Variants in SPOCK3 observed in about 807,000 individuals in gnomAD.
The protein encoded by SPOCK3 is testican-3.
SPOCK3 carries 30 observed loss-of-function variants against 56.6 expected under a neutral mutation model. The ratio of observed to expected loss-of-function variants is 0.53; its 90% CI spans 0.40 to 0.72. The LOEUF (loss-of-function observed/expected upper bound fraction) is 0.72, where lower values mean the gene tolerates loss of function less well. Among genes scored for constraint, SPOCK3 ranks in the 30% least tolerant of loss-of-function variants. SPOCK3 has a pLI of 0.00. For synonymous variants in SPOCK3, 196 were observed against 183.3 expected (o/e 1.07, Z -0.56); for missense variants, 527 against 530.0 (o/e 0.99, Z 0.06).
At chr4:166,978,134 A>T (rs1396764197) in intron 4 of SPOCK3, among the ~76,000 whole-genome samples, 2 of 152,224 alleles carry the variant, frequency 1.3e-5, no homozygotes, top group Non-Finnish European at 2.9e-5. Flanking sequence ...AGCCCATATT[A>T]GTATTATTAG....
chr4:167,094,835 T>C lies in SPOCK3; in HGVS notation c.190-32298A>G, dbSNP rs188892795. 3.2e-4 allele frequency among the ~76,000 whole-genome samples: 48 copies of C among 152,220 alleles called. No individual in the cohort carries two copies. The East Asian group carries it at 9.3e-3, about 29-fold the overall frequency. ...TTATTCGGGGTTCTCCAGAATAATG[T>C]ACATAGAGAAAGACACAGAGAGAAA... On this transcript the variant is annotated intron_variant, in intron 2 of 10. Transcript: ENST00000357545.
intron 6 of SPOCK3, among the ~76,000 whole-genome samples, chr4:166,861,817 T>C (rs1024204967): frequency 6.6e-6 from 1 of 152,120 alleles, no homozygotes; most frequent in Non-Finnish European, 1.5e-5. Context: ...GTAGAGTTTT[T>C]TGGCAGCAGC....
chr4:167,131,723 G>A (rs1762715246), intron 2 of SPOCK3, among the ~76,000 whole-genome samples: 1 of 152,132 alleles, frequency 6.6e-6, no homozygotes, highest in East Asian at 1.9e-4. Context: ...CTTTGTGTAT[G>A]GTTTTCTCAA....
intron 7 of SPOCK3, among the ~76,000 whole-genome samples, chr4:166,785,162 C>T (rs1036875138): frequency 2.0e-5 from 3 of 152,002 alleles, no homozygotes; most frequent in Non-Finnish European, 4.4e-5. Context: ...AACTTCTTAT[C>T]GTAAAACATA....
intron 4 of SPOCK3, among the ~76,000 whole-genome samples, chr4:166,972,765 A>T (rs1561071891): frequency 6.6e-6 from 1 of 151,622 alleles, no homozygotes; most frequent in East Asian, 1.9e-4. Flanking sequence ...ACAATATATT[A>T]AACTATATAA....
intron 2 of SPOCK3, among the ~76,000 whole-genome samples, chr4:167,199,437 A>G (rs978065470): frequency 4.1e-4 from 62 of 151,934 alleles, no homozygotes; most frequent in African/African-American, 1.5e-3. Context: ...ATATTCAAAT[A>G]CTAGTCAATG....
chr4:167,222,591 TAA>T (rs1285726495), intron 2 of SPOCK3, among the ~76,000 whole-genome samples: 2 of 142,588 alleles, frequency 1.4e-5, no homozygotes, highest in South Asian at 2.1e-4. Context: ...TATGAATATA[TAA>T]TATATACACA....
chr4:167,210,833 ATCTC>A (rs1253643892), intron 2 of SPOCK3, among the ~76,000 whole-genome samples: 3 of 152,068 alleles, frequency 2.0e-5, no homozygotes, highest in African/African-American at 7.2e-5. Flanking sequence ...CTCTCTGTGT[ATCTC>A]TCTCTATATA....
At chr4:167,197,123 A>G (rs1733033736) in intron 2 of SPOCK3, among the ~76,000 whole-genome samples, 1 of 152,012 alleles carries the variant, frequency 6.6e-6, no homozygotes, top group Non-Finnish European at 1.5e-5. Context: ...GCTTGGGTCA[A>G]CTCTGGGTAG....
intron 8 of SPOCK3, among the ~76,000 whole-genome samples, chr4:166,753,621 T>C (rs1442360589): frequency 6.6e-6 from 1 of 152,046 alleles, no homozygotes; most frequent in African/African-American, 2.4e-5. Context: ...GTTTTCCTTA[T>C]CGAAGACTGG....
intron 2 of SPOCK3, among the ~76,000 whole-genome samples, chr4:167,142,994 C>T (rs967813726): frequency 1.3e-5 from 2 of 151,686 alleles, no homozygotes; most frequent in African/African-American, 2.4e-5. Flanking sequence ...GCAACTTTCC[C>T]ATGTATTTAG....
At chr4:167,087,049 C>A (rs1758265358) in intron 2 of SPOCK3, among the ~76,000 whole-genome samples, 1 of 152,002 alleles carries the variant, frequency 6.6e-6, no homozygotes, top group African/African-American at 2.4e-5. Flanking sequence ...AGAATATAAA[C>A]AAAACATATT....
At chr4:166,963,038 CAA>C (rs1744313448) in intron 4 of SPOCK3, among the ~76,000 whole-genome samples, 1 of 152,016 alleles carries the variant, frequency 6.6e-6, no homozygotes, top group Non-Finnish European at 1.5e-5. Flanking sequence ...CTAGGTAGGA[CAA>C]TTTGCCTTCT....
chr4:166,979,537 T>C lies in SPOCK3; in HGVS notation c.350+20812A>G, dbSNP rs552322079. On this transcript the variant is annotated intron_variant, in intron 4 of 10. Coordinates refer to ENST00000357545, the MANE Select transcript of SPOCK3 (RefSeq NM_001040159.2). Reference sequence around the variant, plus strand: ...GCCAAATTCAATGGTTATTTTTTTCTGTAATTATCTCTTTTTACTTCTGTG... The same window carrying C: ...GCCAAATTCAATGGTTATTTTTTTCCGTAATTATCTCTTTTTACTTCTGTG... 3.7e-3 allele frequency among the ~76,000 whole-genome samples: 562 copies of C among 152,328 alleles called. 2 individuals carry two copies. The highest frequency in any genetic ancestry group is 6.1e-3 in the Non-Finnish European group (417 of 68,030).
intron 4 of SPOCK3, among the ~76,000 whole-genome samples, chr4:166,942,057 T>C (rs2150017400): frequency 6.6e-6 from 1 of 152,322 alleles, no homozygotes; most frequent in Non-Finnish European, 1.5e-5. Flanking sequence ...TATAATGCCA[T>C]TTGATATTTT....
At chr4:166,877,486 A>C (rs751071005) in intron 6 of SPOCK3, among the ~76,000 whole-genome samples, 51 of 152,210 alleles carry the variant, frequency 3.4e-4, no homozygotes, top group Non-Finnish European at 6.6e-4. Flanking sequence ...ACAAATAAAT[A>C]TAAACGTATT....
At chr4:166,775,743 T>G (rs1739454056) in intron 7 of SPOCK3, among the ~76,000 whole-genome samples, 1 of 152,178 alleles carries the variant, frequency 6.6e-6, no homozygotes, top group South Asian at 2.1e-4. Context: ...CTATTCACTG[T>G]TGGAATCCTG....
chr4:166,882,041 T>C (rs1733736969), intron 6 of SPOCK3, among the ~76,000 whole-genome samples: 1 of 152,186 alleles, frequency 6.6e-6, no homozygotes, highest in Admixed American at 6.5e-5. Context: ...ATGTGCATTA[T>C]AGAAATAATA....
chr4:167,150,609 C>T (rs1035592797), intron 2 of SPOCK3, among the ~76,000 whole-genome samples: 11 of 152,102 alleles, frequency 7.2e-5, no homozygotes, highest in South Asian at 4.1e-4. Context: ...ATAGAAAACC[C>T]GTAGACTTAT....
Sources: allele counts gnomAD v4.1 joint callset (sites outside exome capture counted in the v4.1 genomes callset), GRCh38; gene constraint gnomAD v4.1.1; transcripts MANE v1.5; gene names NCBI Gene and HGNC (gene_info 2026-07-23, HGNC 2026-07-21).